The following CREBBP variants were observed in gnomAD, a reference collection of about 807,000 sequenced individuals.
CREBBP encodes the protein CREB binding lysine acetyltransferase.
A neutral mutation model predicts 265.0 loss-of-function variants in CREBBP; 19 were observed. That is an observed-to-expected ratio of 0.07 (90% confidence interval 0.05 to 0.11). The LOEUF (loss-of-function observed/expected upper bound fraction) is 0.11, where lower values mean the gene tolerates loss of function less well. CREBBP is among the 10% of genes least tolerant of loss of function. CREBBP has a pLI of 1.00. For synonymous variants in CREBBP, 1,457 were observed against 1,223.7 expected (o/e 1.19, Z -3.98); for missense variants, 2,525 against 3,219.0 (o/e 0.78, Z 5.22).
At chr16:3,843,321 G>A (rs1270916493) in intron 2 of CREBBP, among the ~76,000 whole-genome samples, 2 of 151,562 alleles carry the variant, frequency 1.3e-5, no homozygotes, top group Non-Finnish European at 2.9e-5. Flanking sequence ...CAAAATCAAA[G>A]CAAATTTAGA....
chr16:3,774,910 G>A (rs571272746), intron 11 of CREBBP, among the ~76,000 whole-genome samples: 8 of 152,290 alleles, frequency 5.3e-5, no homozygotes. Context: ...CGGTGGCATG[G>A]TGAGGGGTAC....
At chr16:3,781,161 T>G (rs760715204) in intron 7 of CREBBP, 43 bp downstream of exon 7, 2 of 1,521,230 alleles carry the variant, frequency 1.3e-6, no homozygotes, top group Non-Finnish European at 1.8e-6. Context: ...TCTCAGTCCA[T>G]GCTCCTGTTG....
At chr16:3,810,863 T>A in intron 2 of CREBBP, 84 bp from the exon 3 acceptor site, 1 of 1,331,426 alleles carries the variant, frequency 7.5e-7, no homozygotes, top group Non-Finnish European at 1.1e-6. Context: ...CACAGTTTCC[T>A]ATGAAATACT....
chr16:3,760,536 G>A (rs971055655), intron 16 of CREBBP, among the ~76,000 whole-genome samples: 5 of 147,982 alleles, frequency 3.4e-5, no homozygotes, highest in African/African-American at 1.0e-4. Flanking sequence ...CCGAGTAGCT[G>A]GGATTACAGG....
At chr16:3,739,104 A>T (rs1055218185) in intron 25 of CREBBP, among the ~76,000 whole-genome samples, 1 of 152,246 alleles carries the variant, frequency 6.6e-6, no homozygotes, top group African/African-American at 2.4e-5. Context: ...AAAACCAACC[A>T]GTCACCAACC....
chr16:3,765,000 G>A (rs1453145956), intron 16 of CREBBP, among the ~76,000 whole-genome samples: 1 of 150,992 alleles, frequency 6.6e-6, no homozygotes, highest in Non-Finnish European at 1.5e-5. Context: ...TGTTTTTTGA[G>A]ACGGCGTCTC....
At chr16:3,784,960 G>A (rs1386576501) in intron 5 of CREBBP, among the ~76,000 whole-genome samples, 1 of 152,188 alleles carries the variant, frequency 6.6e-6, no homozygotes, top group East Asian at 1.9e-4. Context: ...ATATACCTAT[G>A]AGAAGCATTT....
intron 18 of CREBBP, 115 bp from the exon 19 acceptor site, chr16:3,757,491 T>A (rs2052614581): frequency 3.9e-6 from 4 of 1,016,714 alleles, no homozygotes; most frequent in Non-Finnish European, 6.0e-6. Context: ...TATTAGACAG[T>A]TTTCTAACAA....
chr16:3,857,599 G>T (rs568928937), intron 1 of CREBBP, among the ~76,000 whole-genome samples: 1 of 152,292 alleles, frequency 6.6e-6, no homozygotes, highest in African/African-American at 2.4e-5. Flanking sequence ...AAGTTCCTAA[G>T]GTTCACGATT....
intron 2 of CREBBP, among the ~76,000 whole-genome samples, chr16:3,838,824 C>G (rs770384507): frequency 6.6e-6 from 1 of 152,120 alleles, no homozygotes. Flanking sequence ...GCTGGGATCA[C>G]AAGAATGAGC....
chr16:3,773,526 C>T (rs2053063910), intron 13 of CREBBP: 1 of 558,882 alleles, frequency 1.8e-6, no homozygotes, highest in African/African-American at 1.9e-5. Flanking sequence ...ATTCTAAATC[C>T]ATTCCCACTT....
intron 16 of CREBBP, among the ~76,000 whole-genome samples, chr16:3,760,963 G>GT (rs1039987122): frequency 9.9e-4 from 150 of 151,816 alleles, no homozygotes; most frequent in African/African-American, 3.4e-3. Flanking sequence ...GAAAAGATTT[G>GT]TTTTTTTTGA....
intron 1 of CREBBP, among the ~76,000 whole-genome samples, chr16:3,856,302 ATT>A (rs1324512021): frequency 1.3e-5 from 2 of 152,002 alleles, no homozygotes; most frequent in Admixed American, 6.6e-5. Flanking sequence ...TTTTTATTTT[ATT>A]TTTAATTAAT....
chr16:3,759,509 C>T (rs929468625), intron 16 of CREBBP, among the ~76,000 whole-genome samples: 2 of 150,582 alleles, frequency 1.3e-5, no homozygotes, highest in South Asian at 2.1e-4. Flanking sequence ...ATTGCTTGAA[C>T]CCAGGAGACG....
chr16:3,748,868 G>A (rs749778372), intron 21 of CREBBP, among the ~76,000 whole-genome samples: 3 of 152,170 alleles, frequency 2.0e-5, no homozygotes, highest in Non-Finnish European at 2.9e-5. Flanking sequence ...TAACAGGGCC[G>A]GGCGCGGTGG....
chr16:3,813,545 T>C (rs945225712), intron 2 of CREBBP, among the ~76,000 whole-genome samples: 6 of 152,218 alleles, frequency 3.9e-5, no homozygotes, highest in East Asian at 1.9e-4. Flanking sequence ...CGCTGAAACA[T>C]TGTTCTTAGA....
At position 3,751,543 on chromosome 16, in the gene CREBBP, G is replaced by C. The variant is rs111796229; in HGVS notation, c.3779+183C>G. ...AGTGGTCAAGGCTGCAGTGAGTCGA[G>C]ATAGTGCCACTGCACACCACCCAGG... On this transcript the variant is annotated intron_variant, in intron 20 of 30. Transcript: ENST00000262367. 1.1e-3 allele frequency among the ~76,000 whole-genome samples: 174 copies of C among 152,314 alleles called. 1 individual carries two copies. Among genetic ancestry groups the C allele is most frequent in the African/African-American group, 4.0e-3 (166 of 41,572 alleles).
intron 3 of CREBBP, among the ~76,000 whole-genome samples, chr16:3,809,677 A>G (rs1240501027): frequency 6.6e-6 from 1 of 152,242 alleles, no homozygotes; most frequent in Non-Finnish European, 1.5e-5. Flanking sequence ...GTTATGTAAG[A>G]TGCATCAGAG....
At chr16:3,837,924 C>G (rs2054488449) in intron 2 of CREBBP, among the ~76,000 whole-genome samples, 1 of 152,172 alleles carries the variant, frequency 6.6e-6, no homozygotes. Context: ...ACCACTCATT[C>G]ACTCATCCAC....
Sources: gnomAD v4.1 joint callset for allele counts (sites outside exome capture counted in the v4.1 genomes callset) on GRCh38, gnomAD v4.1.1 for gene constraint, MANE v1.5 for transcripts, NCBI Gene and HGNC (gene_info 2026-07-23, HGNC 2026-07-21) for gene names.